The following PRELID2 variants were observed in gnomAD, a reference collection of about 807,000 sequenced individuals.
PRELID2 encodes the protein PRELI domain containing 2.
In PRELID2, 25 loss-of-function variants were observed where a neutral mutation model predicts 28.4. The observed-to-expected ratio is 0.88, with a 90% CI of 0.64 to 1.23. The LOEUF is 1.23. Among genes scored for constraint, PRELID2 ranks in the 50% most tolerant of loss-of-function variants. The pLI is 0.00. For synonymous variants in PRELID2, 76 were observed against 71.6 expected (o/e 1.06, Z -0.31); for missense variants, 201 against 214.4 (o/e 0.94, Z 0.39).
the PRELID2 span, among the ~76,000 whole-genome samples, chr5:145,277,395 A>C: frequency 3.3e-5 from 5 of 152,122 alleles, no homozygotes; most frequent in Non-Finnish European, 5.9e-5. Context: ...GAAACTTTAG[A>C]GTGTTGCTCC....
the PRELID2 span, among the ~76,000 whole-genome samples, chr5:145,368,801 T>A: frequency 6.6e-6 from 1 of 151,562 alleles, no homozygotes; most frequent in African/African-American, 2.4e-5. Context: ...TTTGTTGTTG[T>A]TTTTTTTCAT....
chr5:145,654,738 G>A (rs1294284281), intron 1 of PRELID2, among the ~76,000 whole-genome samples: 2 of 152,092 alleles, frequency 1.3e-5, no homozygotes, highest in Non-Finnish European at 2.9e-5. Context: ...AGGTATTGAT[G>A]GGATGTATCT....
the PRELID2 span, among the ~76,000 whole-genome samples, chr5:145,254,153 T>C: frequency 6.6e-6 from 1 of 152,122 alleles, no homozygotes; most frequent in Admixed American, 6.6e-5. Flanking sequence ...AACTTTCAAA[T>C]ACAAAATTCA....
chr5:145,382,895 A>T, the PRELID2 span, among the ~76,000 whole-genome samples: 5 of 151,872 alleles, frequency 3.3e-5, no homozygotes, highest in Non-Finnish European at 5.9e-5. Context: ...AAATAATATA[A>T]AAAATGAAAT....
intron 1 of PRELID2, among the ~76,000 whole-genome samples, chr5:145,541,803 G>C (rs1005079029): frequency 6.6e-5 from 10 of 151,866 alleles, no homozygotes; most frequent in African/African-American, 2.4e-4. Context: ...TTTGGGTTTT[G>C]AGATAATGGG....
At position 145,642,703 on chromosome 5, in the gene PRELID2, G is replaced by A. The variant is rs1227819109; in HGVS notation, n.70+122228C>T. ...GAGTTGATTTTTGTATAAGGTGTAA[G>A]GAAGGGGTCCAGTTTCAGTTTTCTG... On this transcript the variant is annotated intron_variant and non_coding_transcript_variant, in intron 1 of 2. Coordinates refer to the PRELID2 transcript ENST00000510259. Among the ~76,000 whole-genome samples the A allele has an allele frequency of 2.0e-5, 3 of 152,178 alleles. No homozygotes were observed. The East Asian group carries it at 5.8e-4, about 29-fold the overall frequency.
the PRELID2 span, among the ~76,000 whole-genome samples, chr5:145,337,730 TACTCAC>T: frequency 9.7e-5 from 2 of 20,636 alleles, no homozygotes; most frequent in Non-Finnish European, 1.8e-4. Context: ...TATATATATA[TACTCAC>T]ACACACACAC....
intron 1 of PRELID2, among the ~76,000 whole-genome samples, chr5:145,518,254 C>T (rs1364046154): frequency 6.6e-6 from 1 of 151,916 alleles, no homozygotes; most frequent in Admixed American, 6.6e-5. Flanking sequence ...GGTTGGAGTG[C>T]AGTGGCACGA....
At chr5:145,670,889 C>T (rs1039539681) in intron 1 of PRELID2, among the ~76,000 whole-genome samples, 5 of 152,112 alleles carry the variant, frequency 3.3e-5, no homozygotes, top group Admixed American at 1.3e-4. Flanking sequence ...AGCAGTACAG[C>T]GTATGATTAA....
intron 1 of PRELID2, among the ~76,000 whole-genome samples, chr5:145,541,376 A>G (rs1752744067): frequency 6.6e-6 from 1 of 152,048 alleles, no homozygotes; most frequent in African/African-American, 2.4e-5. Flanking sequence ...TCCTCATTTT[A>G]TTAATAGAAA....
At chr5:145,497,683 C>T (rs930636840) in intron 1 of PRELID2, among the ~76,000 whole-genome samples, 6 of 152,136 alleles carry the variant, frequency 3.9e-5, no homozygotes, top group African/African-American at 1.2e-4. Flanking sequence ...CAAGTAGTTT[C>T]GGAGATTTCC....
At chr5:145,378,632 T>C in the PRELID2 span, among the ~76,000 whole-genome samples, 1 of 152,234 alleles carries the variant, frequency 6.6e-6, no homozygotes, top group African/African-American at 2.4e-5. Flanking sequence ...TTTTTGGCTC[T>C]ATTAGTCAGT....
intron 1 of PRELID2, among the ~76,000 whole-genome samples, chr5:145,538,427 G>C (rs1001856976): frequency 2.6e-5 from 4 of 151,902 alleles, no homozygotes; most frequent in Non-Finnish European, 5.9e-5. Context: ...TACATAGATT[G>C]TTGAGTAGTA....
At chr5:145,387,129 A>G in the PRELID2 span, among the ~76,000 whole-genome samples, 2 of 152,220 alleles carry the variant, frequency 1.3e-5, no homozygotes, top group African/African-American at 2.4e-5. Context: ...GGTAATGTGC[A>G]TGACCAGGTA....
chr5:145,741,680 A>T (rs376543602), intron 1 of PRELID2, among the ~76,000 whole-genome samples: 584 of 7,200 alleles, frequency 0.081, 231 homozygotes, highest in Middle Eastern at 0.25. Context: ...AATAATTTAT[A>T]AATAATTTAT....
At chr5:145,691,401 G>A (rs887559945) in intron 1 of PRELID2, among the ~76,000 whole-genome samples, 4 of 152,124 alleles carry the variant, frequency 2.6e-5, no homozygotes, top group African/African-American at 4.8e-5. Context: ...ATCCCACACA[G>A]CTTCAGTAAT....
At chr5:145,470,446 T>C (rs143738669), downstream of PRELID2, among the ~76,000 whole-genome samples, 203 of 149,742 alleles carry the variant, frequency 1.4e-3, no homozygotes, top group African/African-American at 5.0e-3. Context: ...ACTTACTCTG[T>C]AACCTGCTAA....
chr5:145,580,098 A>G (rs1753094769), intron 1 of PRELID2, among the ~76,000 whole-genome samples: 1 of 152,050 alleles, frequency 6.6e-6, no homozygotes, highest in African/African-American at 2.4e-5. Flanking sequence ...TCAATTTATG[A>G]TTTTGGCAAG....
rs1445347444 is a variant in PRELID2 at position 145,741,947 on chromosome 5, ATTTATTATAAT to A, written n.70+22973_70+22983del. ...AAATAAATTTATTATAAATAAATAA[ATTTATTATAAT>A]TAAATAAATAAATTTATTTAATTAT... On this transcript the variant is annotated intron_variant and non_coding_transcript_variant, in intron 1 of 2. Coordinates refer to the PRELID2 transcript ENST00000510259. 1.4e-3 allele frequency among the ~76,000 whole-genome samples: 9 copies of A among 6,616 alleles called. No individual in the cohort carries two copies. In the East Asian group the frequency reaches 0.057, roughly 42 times the overall value. 4.3% of individuals were successfully genotyped at this position (6,616 alleles called of 152,430 possible).
Sources: allele counts gnomAD v4.1 joint callset (sites outside exome capture counted in the v4.1 genomes callset), GRCh38; gene constraint gnomAD v4.1.1; transcripts MANE v1.5; gene names NCBI Gene and HGNC (gene_info 2026-07-23, HGNC 2026-07-21).